The following CFAP61 variants were observed in gnomAD, a reference collection of about 807,000 sequenced individuals.
CFAP61 encodes cilia and flagella associated protein 61.
Under a neutral mutation model 135.6 loss-of-function variants are expected in CFAP61, and 107 were observed. The observed-to-expected ratio is 0.79, with a 90% CI of 0.67 to 0.93. The LOEUF is 0.93. Ranked by LOEUF, CFAP61 falls within the 40% of genes least tolerant of loss-of-function variation. The pLI is 0.00. For synonymous variants in CFAP61, 575 were observed against 578.5 expected, an observed-to-expected ratio of 0.99 and a Z score of 0.09; for missense variants, 1,507 against 1,556.2, an observed-to-expected ratio of 0.97 and a Z score of 0.53.
At chr20:20,064,728 G>A (rs770120064) in intron 2 of CFAP61, among the ~76,000 whole-genome samples, 5 of 152,134 alleles carry the variant, frequency 3.3e-5, no homozygotes, top group African/African-American at 4.8e-5. Context: ...CGGAGAAGTG[G>A]GGGGACTACG....
At chr20:20,270,995 A>T (rs2053303286) in intron 21 of CFAP61, among the ~76,000 whole-genome samples, 2 of 152,156 alleles carry the variant, frequency 1.3e-5, no homozygotes, top group South Asian at 4.1e-4. Context: ...TTAAAATGTG[A>T]TCGCTTTATG....
At chr20:20,175,051 TG>T (rs1355888290) in intron 13 of CFAP61, among the ~76,000 whole-genome samples, 1 of 152,196 alleles carries the variant, frequency 6.6e-6, no homozygotes, top group Non-Finnish European at 1.5e-5. Context: ...CAGGGTCCTT[TG>T]TAAGTCAGGG....
At chr20:20,171,671 A>G (rs2054234117) in intron 13 of CFAP61, 1 of 465,934 alleles carries the variant, frequency 2.1e-6, no homozygotes, top group South Asian at 4.5e-5. Context: ...TTATTATGTA[A>G]TGCATTAACA....
intron 17 of CFAP61, among the ~76,000 whole-genome samples, chr20:20,216,149 G>A (rs1011869935): frequency 6.6e-6 from 1 of 152,198 alleles, no homozygotes; most frequent in Non-Finnish European, 1.5e-5. Flanking sequence ...GTAAATGTCA[G>A]TGGGTTTCAT....
At position 20,277,194 on chromosome 20, in the gene CFAP61, T is replaced by C. The variant is rs1167223387; in HGVS notation, c.2532T>C (p.Ile844=). The C allele has an allele frequency of 5.0e-6, 8 of 1,612,862 alleles. No homozygotes were observed. The highest frequency in any genetic ancestry group is 1.7e-4 in the Middle Eastern group (1 of 6,060). Residue 844 remains isoleucine (I), a synonymous_variant, in exon 22 of 27, where the codon ATT becomes ATC. Coordinates refer to ENST00000245957, the MANE Select transcript of CFAP61 (RefSeq NM_015585.4). ...ATATCATTGTCTATGGGAATACAAT[T>C]GATACTTACACCACCGTGGAGACGC... is the stretch of plus-strand genomic sequence containing the variant. ...EGNIIVYGNT[I]DTYTTVETLL... is the part of the protein sequence containing the mutation.
chr20:20,054,096 G>A (rs1303530083), intron 1 of CFAP61, among the ~76,000 whole-genome samples: 2 of 132,144 alleles, frequency 1.5e-5, no homozygotes, highest in African/African-American at 2.8e-5. Context: ...ATACCTTCAT[G>A]TTTACCTTCT....
At chr20:20,303,507 G>A (rs569696022) in intron 25 of CFAP61, among the ~76,000 whole-genome samples, 2 of 152,240 alleles carry the variant, frequency 1.3e-5, no homozygotes, top group African/African-American at 4.8e-5. Flanking sequence ...TACTCCAGGC[G>A]TGTGTTAGTG....
At chr20:20,171,061 G>A (rs994829958) in intron 13 of CFAP61, among the ~76,000 whole-genome samples, 9 of 152,186 alleles carry the variant, frequency 5.9e-5, no homozygotes, top group African/African-American at 2.2e-4. Flanking sequence ...ACAGCAGAAA[G>A]TGGCAGAACT....
chr20:20,165,443 A>T (rs1402358965), intron 11 of CFAP61, among the ~76,000 whole-genome samples: 1 of 152,090 alleles, frequency 6.6e-6, no homozygotes, highest in Non-Finnish European at 1.5e-5. Flanking sequence ...GGCTACAGCA[A>T]AGAGGAGGCA....
At chr20:20,348,147 G>T (rs1215506281) in intron 26 of CFAP61, among the ~76,000 whole-genome samples, 3 of 152,070 alleles carry the variant, frequency 2.0e-5, no homozygotes, top group Non-Finnish European at 4.4e-5. Context: ...CATAGAAGAG[G>T]TTGGAACTAT....
chr20:20,318,986 G>A (rs891773195), intron 25 of CFAP61, among the ~76,000 whole-genome samples: 2 of 152,206 alleles, frequency 1.3e-5, no homozygotes, highest in Non-Finnish European at 2.9e-5. Flanking sequence ...ATGATGCAGG[G>A]CAGAAATGCA....
rs2045976285 is a variant in CFAP61 at position 20,075,340 on chromosome 20, T to TA, written c.439+86dup. The TA allele has an allele frequency of 3.3e-6, 5 of 1,506,952 alleles. No homozygotes were observed. The Middle Eastern group carries it at 8.6e-4, about 260-fold the overall frequency. The allele number at this position is 1,506,952 out of a possible 1,614,324, so 93.3% of individuals were successfully genotyped here. A position where few individuals can be genotyped will look rare whatever the true frequency, so the allele number is the denominator to read the frequency against. On this transcript the variant is annotated intron_variant, in intron 5 of 26. Coordinates refer to ENST00000245957, the MANE Select transcript of CFAP61 (RefSeq NM_015585.4). ...GAATGGTGCTTTGGGGAATGAGAAA[T>TA]AAGAGTGGTCTCCAGGTCCTCAATG... is the stretch of plus-strand genomic sequence containing the variant.
intron 12 of CFAP61, among the ~76,000 whole-genome samples, chr20:20,168,584 T>C (rs1323731509): frequency 6.6e-6 from 1 of 152,200 alleles, no homozygotes; most frequent in Non-Finnish European, 1.5e-5. Context: ...CACATAAAAC[T>C]TTTCCAGTAA....
chr20:20,210,274 CCTT>C (rs1270336477), intron 17 of CFAP61, among the ~76,000 whole-genome samples: 1 of 152,202 alleles, frequency 6.6e-6, no homozygotes, highest in East Asian at 1.9e-4. Flanking sequence ...ACTGATTTCT[CCTT>C]CTTCCCCTCT....
intron 19 of CFAP61, among the ~76,000 whole-genome samples, chr20:20,247,562 A>G (rs1168314434): frequency 6.6e-6 from 1 of 152,226 alleles, no homozygotes; most frequent in Non-Finnish European, 1.5e-5. Context: ...CATTTAAATT[A>G]TTAAATGAGA....
intron 9 of CFAP61, among the ~76,000 whole-genome samples, chr20:20,154,625 G>GCAA (rs924387555): frequency 1.7e-4 from 26 of 151,036 alleles, no homozygotes; most frequent in South Asian, 4.2e-4. Flanking sequence ...AAACAAAACA[G>GCAA]CAACAACAAC....
At chr20:20,138,067 T>A (rs1383577980) in intron 8 of CFAP61, among the ~76,000 whole-genome samples, 1 of 152,062 alleles carries the variant, frequency 6.6e-6, no homozygotes, top group Non-Finnish European at 1.5e-5. Flanking sequence ...GGGCCTGGAA[T>A]AGGGACCTTG....
chr20:20,176,471 A>G (rs1320720760), intron 13 of CFAP61, among the ~76,000 whole-genome samples: 1 of 152,214 alleles, frequency 6.6e-6, no homozygotes, highest in Non-Finnish European at 1.5e-5. Flanking sequence ...GATAGACTGG[A>G]TAAAGAAAAT....
intron 17 of CFAP61, chr20:20,225,506 T>C (rs1034366028): frequency 1.3e-5 from 2 of 152,174 alleles, no homozygotes; most frequent in Non-Finnish European, 1.5e-5. Flanking sequence ...GTGTTACAGC[T>C]ATTGTGTGGG....
Sources: allele counts gnomAD v4.1 joint callset (sites outside exome capture counted in the v4.1 genomes callset), GRCh38; gene constraint gnomAD v4.1.1; transcripts MANE v1.5; gene names NCBI Gene and HGNC (gene_info 2026-07-23, HGNC 2026-07-21).